The following POC1B variants were observed in gnomAD, a reference collection of about 807,000 sequenced individuals.
The protein encoded by POC1B is POC1 centriolar protein homolog B.
A neutral mutation model predicts 60.6 loss-of-function variants in POC1B; 44 were observed. The observed-to-expected ratio is 0.73, with a 90% CI of 0.57 to 0.93. The LOEUF (loss-of-function observed/expected upper bound fraction) is 0.93, where lower values mean the gene tolerates loss of function less well. POC1B is among the 40% of genes least tolerant of loss of function. POC1B has a pLI of 0.00. For synonymous variants in POC1B, 180 were observed against 198.9 expected, an observed-to-expected ratio of 0.90 and a Z score of 0.80; for missense variants, 555 against 572.3, an observed-to-expected ratio of 0.97 and a Z score of 0.31.
At chr12:89,439,385 C>G (rs1353965729) in intron 10 of POC1B, among the ~76,000 whole-genome samples, 3 of 152,128 alleles carry the variant, frequency 2.0e-5, no homozygotes, top group African/African-American at 7.2e-5. Context: ...TTCCAGTTCT[C>G]CCAACCTTTC....
At chr12:89,456,341 A>G (rs1322995227) in intron 10 of POC1B, among the ~76,000 whole-genome samples, 1 of 152,110 alleles carries the variant, frequency 6.6e-6, no homozygotes, top group Non-Finnish European at 1.5e-5. Context: ...TCTTTATATT[A>G]GGATACAGGA....
intron 2 of POC1B, among the ~76,000 whole-genome samples, chr12:89,509,629 A>T (rs1371336272): frequency 1.3e-5 from 2 of 152,222 alleles, no homozygotes; most frequent in African/African-American, 4.8e-5. Context: ...TAGGTATATC[A>T]ATTGATATAG....
At chr12:89,525,671 G>C in intron 1 of POC1B, 1 of 1,246,132 alleles carries the variant, frequency 8.0e-7, no homozygotes, top group Non-Finnish European at 1.0e-6. Flanking sequence ...ACTCGGGGAA[G>C]AGCGTCCGGG....
chr12:89,521,023 C>T (rs1050331810), intron 2 of POC1B: 3 of 151,848 alleles, frequency 2.0e-5, no homozygotes, highest in South Asian at 2.1e-4. Context: ...ATTATCAAAA[C>T]GAAACGACTA....
In POC1B at chr12:89,451,107, G is replaced by A. The variant is rs1882025482; in HGVS notation, c.1113+8531C>T. Among the ~76,000 whole-genome samples, 3 of 152,296 alleles carry A rather than the reference G, an allele frequency of 2.0e-5. No homozygotes were observed. The South Asian group carries it at 6.2e-4, about 32-fold the overall frequency. On this transcript the variant is annotated intron_variant, in intron 10 of 11. Coordinates refer to ENST00000313546, the MANE Select transcript of POC1B (RefSeq NM_172240.3). ...AGATGGTTTGTTCACAAGGAGGAAA[G>A]AGGAATGTTCATTAAAAAGACATTC...
chr12:89,462,463 G>A (rs1882516731), intron 9 of POC1B, among the ~76,000 whole-genome samples: 1 of 152,020 alleles, frequency 6.6e-6, no homozygotes, highest in Admixed American at 6.6e-5. Flanking sequence ...CCCCCATTGA[G>A]GTTCTCTGTG....
downstream of POC1B, among the ~76,000 whole-genome samples, chr12:89,416,445 G>A (rs1474593941): frequency 1.3e-5 from 2 of 152,172 alleles, no homozygotes; most frequent in Non-Finnish European, 2.9e-5. Context: ...ATGATTGTGG[G>A]GGAAGGGATA....
chr12:89,411,290 C>CA, the POC1B span, among the ~76,000 whole-genome samples: 19 of 151,770 alleles, frequency 1.3e-4, no homozygotes, highest in Non-Finnish European at 2.1e-4. Context: ...CATATGGAAC[C>CA]AAAAAAAACC....
chr12:89,435,601 G>A (rs916441347), intron 10 of POC1B, among the ~76,000 whole-genome samples: 4 of 152,076 alleles, frequency 2.6e-5, no homozygotes, highest in African/African-American at 9.7e-5. Flanking sequence ...ATATTTTCAC[G>A]TGTAAAATCA....
intron 2 of POC1B, among the ~76,000 whole-genome samples, chr12:89,503,567 C>G (rs1219264943): frequency 6.6e-6 from 1 of 151,988 alleles, no homozygotes; most frequent in Non-Finnish European, 1.5e-5. Flanking sequence ...CGTCTCTGCC[C>G]GGCCACCATC....
At chr12:89,466,647 A>G in intron 9 of POC1B, 123 bp downstream of exon 9, 1 of 892,196 alleles carries the variant, frequency 1.1e-6, no homozygotes, top group South Asian at 2.2e-5. Flanking sequence ...ACTGTTTATC[A>G]AAGTGCTGCT....
chr12:89,418,358 G>C (rs1880400842), downstream of POC1B, among the ~76,000 whole-genome samples: 1 of 152,166 alleles, frequency 6.6e-6, no homozygotes, highest in Non-Finnish European at 1.5e-5. Flanking sequence ...TTAAAGAGGA[G>C]AAGTTGCGTC....
chr12:89,474,795 A>G (rs1351034772), intron 4 of POC1B, among the ~76,000 whole-genome samples: 1 of 152,232 alleles, frequency 6.6e-6, no homozygotes, highest in Non-Finnish European at 1.5e-5. Flanking sequence ...TGTGTAAACA[A>G]CAGAAGGTTC....
intron 10 of POC1B, among the ~76,000 whole-genome samples, chr12:89,451,737 A>G (rs1399758071): frequency 1.3e-5 from 2 of 152,234 alleles, no homozygotes; most frequent in Non-Finnish European, 2.9e-5. Flanking sequence ...GTGTTAGCAG[A>G]CTTGCTGACT....
chr12:89,463,001 T>C (rs1340115281), intron 9 of POC1B, among the ~76,000 whole-genome samples: 3 of 152,160 alleles, frequency 2.0e-5, no homozygotes, highest in Non-Finnish European at 2.9e-5. Context: ...AATGGTGATG[T>C]TTTCAACCTT....
At chr12:89,522,293 C>G (rs1185820467) in intron 2 of POC1B, 1 of 397,424 alleles carries the variant, frequency 2.5e-6, no homozygotes, top group Non-Finnish European at 4.4e-6. Flanking sequence ...GCCTTAAGCT[C>G]AATTTTCTTT....
At position 89,525,920 on chromosome 12, in the gene POC1B, C is replaced by T. The variant is rs746760082; in HGVS notation, c.-25G>A. ...TCGGGGGAGTGGTCGGCCCAAGGCT[C>T]CTGTGGGTGGGGGAACCCGGAGAGG... is the stretch of plus-strand genomic sequence containing the variant. On this transcript the variant is annotated 5_prime_UTR_variant, in exon 1 of 12. Transcript: ENST00000313546. The T allele has an allele frequency of 1.3e-4, 193 of 1,522,266 alleles. 2 individuals carry two copies. Among genetic ancestry groups the T allele is most frequent in the Admixed American group, 1.0e-4 (5 of 48,868 alleles). The allele number at this position is 1,522,266 out of a possible 1,614,324, so 94.3% of individuals were successfully genotyped here.
At chr12:89,467,806 T>A in intron 7 of POC1B, 121 bp from the exon 8 acceptor site, 1 of 607,942 alleles carries the variant, frequency 1.6e-6, no homozygotes, top group Non-Finnish European at 2.7e-6. Flanking sequence ...ATAAGTCTAA[T>A]AAAACACATC....
chr12:89,403,535 A>C, the POC1B span, among the ~76,000 whole-genome samples: 1 of 152,102 alleles, frequency 6.6e-6, no homozygotes, highest in African/African-American at 2.4e-5. Flanking sequence ...GATATTTCTG[A>C]GAGTTTTTTG....
Sources: allele counts gnomAD v4.1 joint callset (sites outside exome capture counted in the v4.1 genomes callset), GRCh38; gene constraint gnomAD v4.1.1; transcripts MANE v1.5; gene names NCBI Gene and HGNC (gene_info 2026-07-23, HGNC 2026-07-21).